SLC35F4: variants seen among roughly 807,000 people sequenced by gnomAD.
SLC35F4 encodes chromosome 14 open reading frame 36.
In SLC35F4, 24 loss-of-function variants were observed where a neutral mutation model predicts 44.2. That is an observed-to-expected ratio of 0.54 (90% CI 0.39 to 0.76). The LOEUF (loss-of-function observed/expected upper bound fraction) is 0.76, where lower values mean the gene tolerates loss of function less well. Ranked by LOEUF, SLC35F4 falls within the 30% of genes least tolerant of loss-of-function variation. The pLI, the probability that SLC35F4 is intolerant of heterozygous loss-of-function variation, is 0.00. For missense variants in SLC35F4, 562 were observed against 586.1 expected (o/e 0.96, Z 0.42); for synonymous variants, 238 against 223.6 (o/e 1.06, Z -0.57).
chr14:57,896,882 G>A (rs933618541), intron 1 of SLC35F4, among the ~76,000 whole-genome samples: 2 of 151,164 alleles, frequency 1.3e-5, no homozygotes, highest in Non-Finnish European at 3.0e-5. Flanking sequence ...TGGGATTTGG[G>A]AAATTCTTCA....
At chr14:57,746,915 T>C (rs2140539409) in intron 1 of SLC35F4, among the ~76,000 whole-genome samples, 1 of 152,296 alleles carries the variant, frequency 6.6e-6, no homozygotes, top group Non-Finnish European at 1.5e-5. Context: ...AGTCCATTAG[T>C]AAGGGCTTTG....
chr14:57,966,982 C>G (rs1880882405), intron 1 of SLC35F4, among the ~76,000 whole-genome samples: 1 of 151,542 alleles, frequency 6.6e-6, no homozygotes, highest in African/African-American at 2.4e-5. Flanking sequence ...TGCGTTCCAG[C>G]CTGGGTAACA....
At chr14:57,752,844 A>G (rs950521328) in intron 1 of SLC35F4, among the ~76,000 whole-genome samples, 1 of 152,200 alleles carries the variant, frequency 6.6e-6, no homozygotes, top group Non-Finnish European at 1.5e-5. Context: ...TTTAAGAAAC[A>G]CTGACACCTC....
chr14:57,671,077 T>C (rs767792102), intron 1 of SLC35F4, among the ~76,000 whole-genome samples: 1 of 151,842 alleles, frequency 6.6e-6, no homozygotes, highest in Non-Finnish European at 1.5e-5. Context: ...CTAATTTTTG[T>C]ATTTTTAGTA....
chr14:57,784,152 T>C (rs895539925), intron 1 of SLC35F4, among the ~76,000 whole-genome samples: 1 of 152,148 alleles, frequency 6.6e-6, no homozygotes, highest in African/African-American at 2.4e-5. Flanking sequence ...CTAATAGGTA[T>C]CACACCAGAG....
chr14:57,911,487 A>G (rs181464461), intron 1 of SLC35F4, among the ~76,000 whole-genome samples: 1 of 152,072 alleles, frequency 6.6e-6, no homozygotes, highest in Non-Finnish European at 1.5e-5. Flanking sequence ...GAGAGTGTTT[A>G]TCATGAATGG....
chr14:57,877,180 C>T (rs781169393), intron 1 of SLC35F4, among the ~76,000 whole-genome samples: 1 of 152,130 alleles, frequency 6.6e-6, no homozygotes, highest in Non-Finnish European at 1.5e-5. Flanking sequence ...CTCAAGCAGG[C>T]TCCATTGTCT....
At chr14:57,652,461 A>G (rs2073816899) in intron 1 of SLC35F4, among the ~76,000 whole-genome samples, 1 of 152,144 alleles carries the variant, frequency 6.6e-6, no homozygotes, top group African/African-American at 2.4e-5. Flanking sequence ...TCTCTCATTC[A>G]GATCAGTGGT....
intron 1 of SLC35F4, among the ~76,000 whole-genome samples, chr14:57,693,830 A>T (rs932012511): frequency 1.2e-4 from 19 of 152,002 alleles, no homozygotes; most frequent in African/African-American, 4.8e-5. Context: ...TAATCTGTGT[A>T]GGTTCTATGC....
chr14:57,714,689 G>GT (rs2075895849), intron 1 of SLC35F4, among the ~76,000 whole-genome samples: 1 of 152,100 alleles, frequency 6.6e-6, no homozygotes, highest in Non-Finnish European at 1.5e-5. Flanking sequence ...ATAATTCACA[G>GT]TTTTTTCCTT....
At chr14:57,961,744 G>A (rs1351074262) in intron 1 of SLC35F4, among the ~76,000 whole-genome samples, 1 of 152,090 alleles carries the variant, frequency 6.6e-6, no homozygotes, top group Non-Finnish European at 1.5e-5. Flanking sequence ...TGCCCACACT[G>A]CTCCCTCCAT....
intron 1 of SLC35F4, among the ~76,000 whole-genome samples, chr14:57,936,292 G>A (rs1021365758): frequency 6.6e-6 from 1 of 152,162 alleles, no homozygotes; most frequent in Admixed American, 6.5e-5. Context: ...AAAAGGATAA[G>A]CCTACAGAGA....
chr14:57,594,038 G>C lies in SLC35F4; in HGVS notation c.190C>G (p.Leu64Val). ...GCAGAGGAATCTTCGGTGACAGACA[G>C]TGGGGACAGTTGTCTACTGATGCCA... The part of the protein sequence containing the change: ...HSGISRQLSP[L>V]SVTEDSSAPI... The change falls in exon 2 of 8, where the codon CTG becomes GTG. Residue 64 changes from leucine (L) to valine (V), a missense_variant. Physicochemically the swap from Leu to Val is conservative, Grantham distance 32. Transcript: ENST00000556826. The C allele has an allele frequency of 6.2e-7, 1 of 1,613,954 alleles. No homozygotes were observed. Among genetic ancestry groups the C allele is most frequent in the Non-Finnish European group, 8.5e-7 (1 of 1,179,874 alleles).
At chr14:57,903,690 C>T (rs562731412) in intron 1 of SLC35F4, among the ~76,000 whole-genome samples, 4 of 152,246 alleles carry the variant, frequency 2.6e-5, no homozygotes, top group South Asian at 4.2e-4. Flanking sequence ...TGTCATAAGA[C>T]AAGATTTATT....
intron 1 of SLC35F4, among the ~76,000 whole-genome samples, chr14:57,603,548 T>TGCTC (rs1429163556): frequency 6.6e-6 from 1 of 152,192 alleles, no homozygotes; most frequent in African/African-American, 2.4e-5. Context: ...GCCCATCAGA[T>TGCTC]GCTCCTATCC....
At position 57,915,512 on chromosome 14, in the gene SLC35F4, C is replaced by G. The variant is rs553871301; in HGVS notation, n.282+66401G>C. On this transcript the variant is annotated intron_variant and non_coding_transcript_variant, in intron 1 of 1. Coordinates refer to the SLC35F4 transcript ENST00000556568. ...TTAAAATCATCTATCTTCTTCACAT[C>G]TCACTATATGTGGTTAAAAGTAGCC... is the stretch of plus-strand genomic sequence containing the variant. Among the ~76,000 whole-genome samples, 192 of 152,356 alleles carry G rather than the reference C, an allele frequency of 1.3e-3. 2 individuals are homozygous for G. In the South Asian group the frequency reaches 0.038, roughly 30 times the overall value.
intron 1 of SLC35F4, among the ~76,000 whole-genome samples, chr14:57,650,001 A>G (rs1341784067): frequency 6.6e-6 from 1 of 151,962 alleles, no homozygotes; most frequent in Non-Finnish European, 1.5e-5. Context: ...CAGTCTTTAA[A>G]CACTCACCTC....
At chr14:57,785,640 T>C (rs2077736881) in intron 1 of SLC35F4, among the ~76,000 whole-genome samples, 1 of 152,128 alleles carries the variant, frequency 6.6e-6, no homozygotes, top group East Asian at 1.9e-4. Flanking sequence ...CTCTCCCAAA[T>C]GCACACCCCT....
chr14:57,880,057 GA>G (rs1888494678), intron 1 of SLC35F4, among the ~76,000 whole-genome samples: 1 of 90,114 alleles, frequency 1.1e-5, no homozygotes, highest in East Asian at 6.2e-4. Flanking sequence ...AGGAAGGAAG[GA>G]AGGAAGGAAG....
Sources: allele counts gnomAD v4.1 joint callset (sites outside exome capture counted in the v4.1 genomes callset), GRCh38; gene constraint gnomAD v4.1.1; transcripts MANE v1.5; gene names NCBI Gene and HGNC (gene_info 2026-07-23, HGNC 2026-07-21).